Variants in ROBO2 observed in about 807,000 individuals in gnomAD.
ROBO2 encodes the protein roundabout guidance receptor 2, also known as roundabout homolog 2.
A neutral mutation model predicts 160.8 loss-of-function variants in ROBO2; 53 were observed. That is an observed-to-expected ratio of 0.33 (90% CI 0.26 to 0.41). The LOEUF is 0.41. ROBO2 is among the 10% of genes least tolerant of loss of function. ROBO2 has a pLI of 1.00. For synonymous variants in ROBO2, 664 were observed against 611.7 expected, an observed-to-expected ratio of 1.09 and a Z score of -1.26; for missense variants, 1,577 against 1,722.4, an observed-to-expected ratio of 0.92 and a Z score of 1.49.
At chr3:77,384,792 G>T (rs1031250052) in intron 2 of ROBO2, among the ~76,000 whole-genome samples, 1 of 152,098 alleles carries the variant, frequency 6.6e-6, no homozygotes, top group African/African-American at 2.4e-5. Flanking sequence ...GTGTTAATGA[G>T]AATTTAAAAT....
intron 2 of ROBO2, among the ~76,000 whole-genome samples, chr3:76,764,581 C>T (rs2061476742): frequency 6.6e-6 from 1 of 151,742 alleles, no homozygotes; most frequent in African/African-American, 2.4e-5. Flanking sequence ...TCATCTTTTA[C>T]TACCACTTAT....
intron 2 of ROBO2, among the ~76,000 whole-genome samples, chr3:77,307,918 A>G (rs1039742268): frequency 2.0e-4 from 30 of 152,042 alleles, no homozygotes; most frequent in African/African-American, 7.2e-4. Flanking sequence ...AGATCGCACC[A>G]CTGCACTCCA....
chr3:77,397,783 A>G, intron 2 of ROBO2, among the ~76,000 whole-genome samples: 1 of 152,108 alleles, frequency 6.6e-6, no homozygotes, highest in East Asian at 1.9e-4. Flanking sequence ...ACTTAGTGCA[A>G]ACTATATAAT....
At chr3:77,570,178 C>G (rs115419089) in intron 13 of ROBO2, among the ~76,000 whole-genome samples, 4 of 152,064 alleles carry the variant, frequency 2.6e-5, no homozygotes, top group Non-Finnish European at 5.9e-5. Context: ...AGTTATAAGG[C>G]GGATTCTTTT....
chr3:77,564,981 C>T (rs765291604), exon 12 of ROBO2: 7 of 1,613,278 alleles, frequency 4.3e-6, no homozygotes, highest in East Asian at 2.2e-5. Flanking sequence ...GCTGGCAGAC[C>T]GTGGCAAACC....
At chr3:77,311,211 T>G (rs1231347741) in intron 2 of ROBO2, among the ~76,000 whole-genome samples, 1 of 152,224 alleles carries the variant, frequency 6.6e-6, no homozygotes, top group African/African-American at 2.4e-5. Context: ...TCATTCTTTA[T>G]AGCTTTGTTT....
At chr3:76,046,762 G>A (rs2067467155) in intron 2 of ROBO2, among the ~76,000 whole-genome samples, 1 of 151,948 alleles carries the variant, frequency 6.6e-6, no homozygotes, top group African/African-American at 2.4e-5. Flanking sequence ...GGGGCCATAG[G>A]AAATATTTTC....
At chr3:77,243,624 T>G (rs1293432156) in intron 2 of ROBO2, among the ~76,000 whole-genome samples, 7 of 152,316 alleles carry the variant, frequency 4.6e-5, no homozygotes, top group African/African-American at 1.7e-4. Flanking sequence ...AGCTGTGCAG[T>G]CATTGAAGGT....
chr3:76,736,604 G>C (rs1315487950), intron 2 of ROBO2, among the ~76,000 whole-genome samples: 1 of 152,190 alleles, frequency 6.6e-6, no homozygotes, highest in African/African-American at 2.4e-5. Flanking sequence ...TCTGGAAGAG[G>C]ATCTGCAGTA....
chr3:77,567,311 G>A (rs2093513059), intron 12 of ROBO2, among the ~76,000 whole-genome samples: 1 of 151,964 alleles, frequency 6.6e-6, no homozygotes, highest in African/African-American at 2.4e-5. Flanking sequence ...TACAATAGTT[G>A]GAGAAAAACA....
chr3:77,227,733 C>A (rs2086655828), intron 2 of ROBO2, among the ~76,000 whole-genome samples: 1 of 152,120 alleles, frequency 6.6e-6, no homozygotes, highest in Non-Finnish European at 1.5e-5. Context: ...TTGGGGTGGA[C>A]AAAGGAGAGG....
intron 1 of ROBO2, among the ~76,000 whole-genome samples, chr3:77,043,192 C>T (rs901348640): frequency 6.6e-6 from 1 of 152,118 alleles, no homozygotes; most frequent in Non-Finnish European, 1.5e-5. Flanking sequence ...GTTCTCTAAG[C>T]TTTGTTACTC....
chr3:76,459,468 C>T (rs565957658), intron 2 of ROBO2, among the ~76,000 whole-genome samples: 1 of 152,068 alleles, frequency 6.6e-6, no homozygotes, highest in South Asian at 2.1e-4. Flanking sequence ...TATATGAAAC[C>T]CTTTGGAGGC....
chr3:77,339,234 G>A (rs2066809082), intron 2 of ROBO2, among the ~76,000 whole-genome samples: 13 of 151,948 alleles, frequency 8.6e-5, no homozygotes, highest in Admixed American at 8.5e-4. Context: ...TAGACACATT[G>A]AGGATTAGAG....
intron 2 of ROBO2, among the ~76,000 whole-genome samples, chr3:76,172,387 C>G (rs1353449269): frequency 7.2e-6 from 1 of 139,316 alleles, no homozygotes; most frequent in African/African-American, 2.7e-5. Context: ...ACATATGTAA[C>G]AAACCTGCAC....
At chr3:76,404,063 A>G (rs1469514614) in intron 2 of ROBO2, among the ~76,000 whole-genome samples, 1 of 151,594 alleles carries the variant, frequency 6.6e-6, no homozygotes, top group Non-Finnish European at 1.5e-5. Flanking sequence ...ATTTTAAACA[A>G]CAAAGTTTGT....
rs74550398 is a variant in ROBO2 at position 77,572,465 on chromosome 3, C to T, written c.1972-2034C>T. On this transcript the variant is annotated intron_variant, in intron 13 of 25. Transcript: ENST00000461745. ...ACTGGTAGCATGAATGAGGACTTGC[C>T]GATCACCAGCTTCCATGTTACACCT... 2.4e-3 allele frequency among the ~76,000 whole-genome samples: 358 copies of T among 151,732 alleles called. 2 individuals are homozygous for T. Among genetic ancestry groups the T allele is most frequent in the Non-Finnish European group, 4.1e-3 (279 of 67,898 alleles).
intron 2 of ROBO2, among the ~76,000 whole-genome samples, chr3:76,685,122 T>C (rs1456719055): frequency 6.6e-6 from 1 of 151,732 alleles, no homozygotes; most frequent in Non-Finnish European, 1.5e-5. Context: ...TAACTAATTC[T>C]TGAAATCATA....
intron 2 of ROBO2, among the ~76,000 whole-genome samples, chr3:76,456,542 T>C (rs1208102288): frequency 6.6e-6 from 1 of 152,174 alleles, no homozygotes; most frequent in Non-Finnish European, 1.5e-5. Context: ...GGAGACTGTA[T>C]CTTTAAGACG....
Sources: allele counts gnomAD v4.1 joint callset (sites outside exome capture counted in the v4.1 genomes callset), GRCh38; gene constraint gnomAD v4.1.1; transcripts MANE v1.5; gene names NCBI Gene and HGNC (gene_info 2026-07-23, HGNC 2026-07-21).